The following VPS4A variants were observed in gnomAD, a reference collection of about 807,000 sequenced individuals.
VPS4A encodes vacuolar protein sorting-associated protein 4A.
A neutral mutation model predicts 52.3 loss-of-function variants in VPS4A; 20 were observed. The observed-to-expected ratio is 0.38, with a 90% CI of 0.27 to 0.56. VPS4A has a LOEUF of 0.56. VPS4A is among the 20% of genes least tolerant of loss of function. The pLI is 0.72. For missense variants in VPS4A, 419 were observed against 575.9 expected (o/e 0.73, Z 2.79); for synonymous variants, 293 against 227.7 (o/e 1.29, Z -2.58).
Position 69,311,371 on chromosome 16 carries a change from T to C in VPS4A, c.-141T>C. 2 of 955,646 alleles carry C rather than the reference T, an allele frequency of 2.1e-6. No individual in the cohort carries two copies. Among genetic ancestry groups the C allele is most frequent in the Non-Finnish European group, 2.7e-6 (2 of 735,762 alleles). The allele number at this position is 955,646 out of a possible 1,614,324, so 59.2% of individuals were successfully genotyped here. On this transcript the variant is annotated 5_prime_UTR_variant, in exon 1 of 11. Transcript: ENST00000254950. ...GCTTGCCCTCGGACTCGGCTCCCGCTGCGAGCGGCCGCCCTGCCCGCGCAC... is the reference window on the plus strand; with the variant it reads ...GCTTGCCCTCGGACTCGGCTCCCGCCGCGAGCGGCCGCCCTGCCCGCGCAC...
chr16:69,319,036 C>T (rs540681585), intron 5 of VPS4A, 94 bp downstream of exon 5: 24 of 1,530,948 alleles, frequency 1.6e-5, no homozygotes, highest in African/African-American at 8.3e-5. Flanking sequence ...GGCGACTCAG[C>T]CCCCGGGGCC....
chr16:69,316,409 C>G, intron 3 of VPS4A, 37 bp downstream of exon 3: 1 of 1,605,554 alleles, frequency 6.2e-7, no homozygotes, highest in Non-Finnish European at 8.5e-7. Flanking sequence ...AACCTGGGCC[C>G]TCCTCACGGC....
rs1382694970 is a variant in VPS4A at position 69,320,544 on chromosome 16, A to G, written c.770-144A>G. On this transcript the variant is annotated intron_variant, in intron 7 of 10. Transcript: ENST00000254950. The surrounding 1 kb of genome is among the most constrained non-coding windows in gnomAD (Gnocchi z 4.2). ...CACAGCCAGACCAAGATGTGGTTTA[A>G]TCTCACTTGGGACCCTGCCAGTGGT... The G allele has an allele frequency of 4.8e-6, 4 of 830,772 alleles. No homozygotes were observed. In the African/African-American group the frequency reaches 5.2e-5, roughly 11 times the overall value. 51.5% of individuals were successfully genotyped at this position (830,772 alleles called of 1,614,324 possible). A position where few individuals can be genotyped will look rare whatever the true frequency, so the allele number is the denominator to read the frequency against.
In VPS4A at chr16:69,321,283, G is replaced by T. The variant is rs770458750; in HGVS notation, c.1071+13G>T. 1 of 1,548,832 alleles carries T rather than the reference G, an allele frequency of 6.5e-7. No homozygotes were observed. The highest frequency in any genetic ancestry group is 8.7e-7 in the Non-Finnish European group (1 of 1,145,784). On this transcript the variant is annotated intron_variant, in intron 9 of 10. Coordinates refer to ENST00000254950, the MANE Select transcript of VPS4A (RefSeq NM_013245.3). This position sits in a 1 kb window ranked among gnomAD's most constrained non-coding sequence, Gnocchi z 4.5. ...ACACTTCAAAAAGGTGAGTGCCCGC[G>T]GCCACTGCTGAGAAAAATCTCATAG... is the stretch of plus-strand genomic sequence containing the variant.
chr16:69,319,221 A>ATG (rs1965478915), intron 5 of VPS4A, among the ~76,000 whole-genome samples, 166 bp from the exon 6 acceptor site: 2 of 152,078 alleles, frequency 1.3e-5, no homozygotes, highest in Non-Finnish European at 2.9e-5. Flanking sequence ...ATGGGGTCAT[A>ATG]GCACAGGGCA....
At position 69,318,640 on chromosome 16, in the gene VPS4A, C is replaced by G. The variant is rs1278909618; in HGVS notation, c.282-10C>G. On this transcript the variant is annotated splice_polypyrimidine_tract_variant and intron_variant, in intron 3 of 10. Transcript: ENST00000254950. ...AGGGCCAGCTTGTGACTTTCCGTCT[C>G]CCTTCCCAGCAGTGACAGTGACAGT... 4.4e-6 allele frequency: 7 copies of G among 1,603,322 alleles called. No individual in the cohort carries two copies. The highest frequency in any genetic ancestry group is 6.0e-6 in the Non-Finnish European group (7 of 1,175,066).
rs1278684434 is a variant in VPS4A, at chr16:69,326,504, C to T, written c.*2195C>T. 1 of 152,234 alleles carries T rather than the reference C, an allele frequency of 6.6e-6. No individual in the cohort carries two copies. The highest frequency in any genetic ancestry group is 1.5e-5 in the Non-Finnish European group (1 of 68,040). The allele number at this position is 152,234 out of a possible 1,614,324, so 9.4% of individuals were successfully genotyped here. ...GAACGTTGTTTCCTCATTCCTACTG[C>T]TTAAACACCTTGACAAGTCCTAGGG... is the stretch of plus-strand genomic sequence containing the variant. On this transcript the variant is annotated 3_prime_UTR_variant, in exon 11 of 11. Transcript: ENST00000254950.
intron 3 of VPS4A, among the ~76,000 whole-genome samples, chr16:69,316,806 G>A (rs1014908282): frequency 2.0e-5 from 3 of 152,228 alleles, no homozygotes; most frequent in Non-Finnish European, 4.4e-5. Context: ...TGCTGTGACT[G>A]TCAAAGAGTC....
chr16:69,319,568 C>CT, intron 6 of VPS4A, 25 bp downstream of exon 6: 1 of 1,600,004 alleles, frequency 6.2e-7, no homozygotes, highest in South Asian at 1.1e-5. Flanking sequence ...AGGCCATGCT[C>CT]TGCCAGCAGC....
chr16:69,318,115 A>G (rs1038528706), intron 3 of VPS4A, among the ~76,000 whole-genome samples: 1 of 151,610 alleles, frequency 6.6e-6, no homozygotes, highest in Non-Finnish European at 1.5e-5. Flanking sequence ...AGCTGGCACC[A>G]TAGGTGCGTG....
chr16:69,322,645 A>G lies in VPS4A; in HGVS notation c.1157A>G (p.Glu386Gly). 2 of 1,613,948 alleles carry G rather than the reference A, an allele frequency of 1.2e-6. No homozygotes were observed. Among genetic ancestry groups the G allele is most frequent in the Non-Finnish European group, 1.7e-6 (2 of 1,179,852 alleles). The change falls in exon 10 of 11, where the codon GAG becomes GGG. Residue 386 changes from glutamate to glycine, a missense_variant. By Grantham distance (98) the Glu-to-Gly change is moderately conservative. This residue lies in a region of VPS4A where 185 missense variants were observed against 200.2 expected (regional missense o/e 0.92). Transcript: ENST00000254950. ...TCACCAGGGGACCCAGGAGCCATGGAGATGACTTGGATGGATGTCCCTGGG... is the reference window on the plus strand; with the variant it reads ...TCACCAGGGGACCCAGGAGCCATGGGGATGACTTGGATGGATGTCCCTGGG... ...PCSPGDPGAM[E>G]MTWMDVPGDK... is the part of the protein sequence containing the mutation.
At position 69,324,678 on chromosome 16, in the gene VPS4A, G is replaced by C. The variant is rs946318037; in HGVS notation, c.*369G>C. The stretch of plus-strand genomic sequence containing the variant: ...GTGTCAAGGAGTGGGGCGGGGTGGC[G>C]GGGGAGAAGCAGCCGTGCTGCCAGG... On this transcript the variant is annotated 3_prime_UTR_variant, in exon 11 of 11. Transcript: ENST00000254950. 2 of 214,388 alleles carry C rather than the reference G, an allele frequency of 9.3e-6. No homozygotes were observed. The highest frequency in any genetic ancestry group is 2.3e-5 in the African/African-American group (1 of 44,398). 13.3% of individuals were successfully genotyped at this position (214,388 alleles called of 1,614,324 possible).
intron 10 of VPS4A, chr16:69,323,324 CT>C (rs371858068): frequency 5.9e-3 from 1,157 of 197,662 alleles, no homozygotes; most frequent in South Asian, 0.016. Flanking sequence ...CTAATTTTTC[CT>C]TTTTTTTTTA....
chr16:69,311,784 C>G (rs909536487), intron 1 of VPS4A, among the ~76,000 whole-genome samples: 17 of 152,240 alleles, frequency 1.1e-4, no homozygotes, highest in Admixed American at 3.3e-4. Flanking sequence ...GTAGCCGGCG[C>G]CCCGGTACCG....
chr16:69,318,569 C>T, intron 3 of VPS4A, 81 bp from the exon 4 acceptor site: 1 of 1,464,388 alleles, frequency 6.8e-7, no homozygotes. Flanking sequence ...AGTGTGCAGG[C>T]AGCGGAGCCT....
Position 69,324,479 on chromosome 16 carries a change from C to G in VPS4A, c.*170C>G. The G allele has an allele frequency of 1.5e-6, 1 of 678,304 alleles. No homozygotes were observed. Among genetic ancestry groups the G allele is most frequent in the Non-Finnish European group, 2.6e-6 (1 of 391,548 alleles). 42.0% of individuals were successfully genotyped at this position (678,304 alleles called of 1,614,324 possible). On this transcript the variant is annotated 3_prime_UTR_variant, in exon 11 of 11. Coordinates refer to ENST00000254950, the MANE Select transcript of VPS4A (RefSeq NM_013245.3). ...GCCAGAAGGAAGGGCCTTGCAGCCA[C>G]AGAGACACTCCACTGCCCTGGGGCA...
chr16:69,320,953 T>C lies in VPS4A; in HGVS notation c.852-98T>C, dbSNP rs1597214052. 8 of 1,342,434 alleles carry C rather than the reference T, an allele frequency of 6.0e-6. No individual in the cohort carries two copies. Among genetic ancestry groups the C allele is most frequent in the Non-Finnish European group, 8.3e-6 (8 of 966,384 alleles). 83.2% of individuals were successfully genotyped at this position (1,342,434 alleles called of 1,614,324 possible). A position where few individuals can be genotyped will look rare whatever the true frequency, so the allele number is the denominator to read the frequency against. On this transcript the variant is annotated intron_variant, in intron 8 of 10. Transcript: ENST00000254950. This position sits in a 1 kb window ranked among gnomAD's most constrained non-coding sequence, Gnocchi z 4.2. Reference sequence around the variant, plus strand: ...ATGTGCCGCCAGCATCACTGGCCCATGAAATGCGTCCGTTTCACTCAAATC... The same window carrying C: ...ATGTGCCGCCAGCATCACTGGCCCACGAAATGCGTCCGTTTCACTCAAATC...
In VPS4A at chr16:69,311,539, C is replaced by G. The variant is rs1207587879; in HGVS notation, c.21+7C>G. 3 of 1,332,914 alleles carry G rather than the reference C, an allele frequency of 2.3e-6. No individual in the cohort carries two copies. Among genetic ancestry groups the G allele is most frequent in the African/African-American group, 3.0e-5 (2 of 65,930 alleles). The allele number at this position is 1,332,914 out of a possible 1,614,324, so 82.6% of individuals were successfully genotyped here. A position where few individuals can be genotyped will look rare whatever the true frequency, so the allele number is the denominator to read the frequency against. On this transcript the variant is annotated splice_region_variant and intron_variant, in intron 1 of 10. Coordinates refer to ENST00000254950, the MANE Select transcript of VPS4A (RefSeq NM_013245.3). ...GACAACGTCAACCCTCCAGGTACTT[C>G]GTGCGGCCCGGCCCGACTTCGGAGG...
chr16:69,316,000 C>T lies in VPS4A; in HGVS notation c.22-8C>T. On this transcript the variant is annotated splice_region_variant and splice_polypyrimidine_tract_variant and intron_variant, in intron 1 of 10. Transcript: ENST00000254950. ...GGAAGCACTGAGCCATTTGCTTTGC[C>T]TTTCCAGAAAGCCATTGATCTGGTG... 1 of 1,613,086 alleles carries T rather than the reference C, an allele frequency of 6.2e-7. No homozygotes were observed. The highest frequency in any genetic ancestry group is 8.5e-7 in the Non-Finnish European group (1 of 1,179,620).
Sources: allele counts gnomAD v4.1 joint callset (sites outside exome capture counted in the v4.1 genomes callset), GRCh38; gene constraint gnomAD v4.1.1; regional missense constraint gnomAD v4.1.1; non-coding constraint Gnocchi (gnomAD v3.1); transcripts MANE v1.5; gene names NCBI Gene and HGNC (gene_info 2026-07-23, HGNC 2026-07-21).